TNFRSF10A: variants seen among roughly 807,000 people sequenced by gnomAD.
TNFRSF10A encodes the protein tumor necrosis factor receptor superfamily member 10A.
Under a neutral mutation model 42.8 loss-of-function variants are expected in TNFRSF10A, and 44 were observed. The observed-to-expected ratio is 1.03, with a 90% CI of 0.81 to 1.32. The LOEUF (loss-of-function observed/expected upper bound fraction) is 1.32. Ranked by LOEUF, TNFRSF10A falls within the 40% of genes most tolerant of loss-of-function variation. The pLI, the probability that TNFRSF10A is intolerant of heterozygous loss-of-function variation, is 0.00. For missense variants in TNFRSF10A, 680 were observed against 602.0 expected, an observed-to-expected ratio of 1.13 and a Z score of -1.36; for synonymous variants, 259 against 234.2, an observed-to-expected ratio of 1.11 and a Z score of -0.97.
chr8:23,200,526 C>T lies in TNFRSF10A; in HGVS notation c.778G>A (p.Val260Ile), dbSNP rs768067879. ...VPLLLVAVLI[V>I]CCCIGSGCGG... ...CTACCTGAGCCGATGCAACAACAGA[C>T]AATCAGCACAGCCACCAACAGCAAC... The change falls in exon 6 of 10, where the codon GTC becomes ATC. Residue 260 changes from valine (V) to isoleucine (I), a missense_variant. Val to Ile is a conservative substitution (Grantham distance 29, BLOSUM62 3). Coordinates refer to ENST00000221132, the MANE Select transcript of TNFRSF10A (RefSeq NM_003844.4). 1 of 1,614,202 alleles carries T rather than the reference C, an allele frequency of 6.2e-7. No individual in the cohort carries two copies. Among genetic ancestry groups the T allele is most frequent in the Non-Finnish European group, 8.5e-7 (1 of 1,180,030 alleles).
At chr8:23,203,541 T>A (rs1180865859) in intron 2 of TNFRSF10A, among the ~76,000 whole-genome samples, 3 of 152,204 alleles carry the variant, frequency 2.0e-5, no homozygotes, top group Non-Finnish European at 4.4e-5. Flanking sequence ...AGGCTCGACC[T>A]TCACCTCCAG....
At chr8:23,224,722 C>A in intron 1 of TNFRSF10A, 34 bp downstream of exon 1, 1 of 1,542,722 alleles carries the variant, frequency 6.5e-7, no homozygotes, top group Non-Finnish European at 8.7e-7. Flanking sequence ...GCCAGGCGCG[C>A]TTTTCCCCAG....
chr8:23,219,188 A>T (rs1801224576), intron 1 of TNFRSF10A, among the ~76,000 whole-genome samples: 1 of 152,062 alleles, frequency 6.6e-6, no homozygotes, highest in Non-Finnish European at 1.5e-5. Flanking sequence ...AGGGAGCAGG[A>T]CTGACACAGG....
chr8:23,193,918 T>C (rs939236703), intron 9 of TNFRSF10A, among the ~76,000 whole-genome samples: 1 of 152,224 alleles, frequency 6.6e-6, no homozygotes, highest in Non-Finnish European at 1.5e-5. Context: ...GGAGTTCCTG[T>C]ATCCAGGCTT....
intron 1 of TNFRSF10A, among the ~76,000 whole-genome samples, chr8:23,215,522 CTAAA>C (rs1369629840): frequency 1.4e-5 from 1 of 71,054 alleles, no homozygotes; most frequent in African/African-American, 5.9e-5. Context: ...AATAGCATAA[CTAAA>C]TAAATAAATA....
At chr8:23,197,005 TA>T (rs1800831421) in intron 9 of TNFRSF10A, 126 bp downstream of exon 9, 1 of 1,219,632 alleles carries the variant, frequency 8.2e-7, no homozygotes, top group Admixed American at 1.7e-5. Context: ...TGATGGTCTA[TA>T]GCATAGGACC....
At chr8:23,194,879 G>A (rs6557626) in intron 9 of TNFRSF10A, among the ~76,000 whole-genome samples, 29,331 of 152,158 alleles carry the variant, frequency 0.19, 3,447 homozygotes, top group African/African-American at 0.33. Context: ...GTGGCCAGGC[G>A]CATTGGCTCA....
intron 2 of TNFRSF10A, chr8:23,206,996 C>G (rs1801023853): frequency 1.4e-5 from 5 of 362,666 alleles, no homozygotes; most frequent in Non-Finnish European, 1.6e-5. Context: ...GCCAAGAAGG[C>G]AGTGTAGAAA....
intron 9 of TNFRSF10A, among the ~76,000 whole-genome samples, chr8:23,195,702 G>C (rs1800813795): frequency 2.6e-5 from 4 of 152,148 alleles, no homozygotes. Flanking sequence ...AGGTACATTG[G>C]TCCTGCTATA....
At chr8:23,196,316 C>T (rs925913449) in intron 9 of TNFRSF10A, among the ~76,000 whole-genome samples, 4 of 152,144 alleles carry the variant, frequency 2.6e-5, no homozygotes, top group Non-Finnish European at 5.9e-5. Context: ...GCCTCAGCCT[C>T]CCGAATAGCT....
intron 1 of TNFRSF10A, among the ~76,000 whole-genome samples, chr8:23,218,063 C>T (rs1331379459): frequency 6.6e-6 from 1 of 151,956 alleles, no homozygotes; most frequent in East Asian, 1.9e-4. Context: ...GGTTTGTGGG[C>T]GTCTGATTAA....
chr8:23,213,155 T>C (rs1801113815), intron 1 of TNFRSF10A, among the ~76,000 whole-genome samples: 1 of 152,184 alleles, frequency 6.6e-6, no homozygotes, highest in Non-Finnish European at 1.5e-5. Context: ...ACCAGTTTTA[T>C]CAATGTGCTC....
Position 23,201,897 on chromosome 8 carries a change from G to C in TNFRSF10A, c.540C>G (p.Cys180Trp), listed in dbSNP as rs1293002117. 6.2e-7 allele frequency: 1 copy of C among 1,614,010 alleles called. No individual in the cohort carries two copies. Among genetic ancestry groups the C allele is most frequent in the African/African-American group, 1.3e-5 (1 of 74,912 alleles). The change falls in exon 4 of 10, where the codon TGC (cysteine) becomes TGG (tryptophan). Residue 180 changes from cysteine to tryptophan, a missense_variant. Coordinates refer to ENST00000221132, the MANE Select transcript of TNFRSF10A (RefSeq NM_003844.4). Reference protein sequence around the residue: ...CKSDEEERSPCTTTRNTACQC... With the variant: ...CKSDEEERSPWTTTRNTACQC... ...GACATGCTGTGTTCCTGGTCGTGGT[G>C]CAGGGACTTCTCTCTTCTTCATCTG...
chr8:23,211,225 A>G (rs191420248), intron 2 of TNFRSF10A, among the ~76,000 whole-genome samples: 3 of 152,352 alleles, frequency 2.0e-5, no homozygotes, highest in Admixed American at 2.0e-4. Flanking sequence ...ATACAAGATC[A>G]ATGTACAAAA....
rs540660962 is a variant in TNFRSF10A, at chr8:23,218,070, T to C, written c.307-5858A>G. On this transcript the variant is annotated intron_variant, in intron 1 of 9. Coordinates refer to ENST00000221132, the MANE Select transcript of TNFRSF10A (RefSeq NM_003844.4). ...AACTCTGAGGTTTGTGGGCGTCTGA[T>C]TAAGGGAGATGGAAGGTGAGGTCAG... Among the ~76,000 whole-genome samples the C allele has an allele frequency of 2.6e-5, 4 of 152,074 alleles. 1 individual carries two copies. In the South Asian group the frequency reaches 8.3e-4, roughly 32 times the overall value.
chr8:23,195,235 T>C (rs555512692), intron 9 of TNFRSF10A, among the ~76,000 whole-genome samples: 12 of 152,336 alleles, frequency 7.9e-5, no homozygotes, highest in African/African-American at 2.9e-4. Context: ...GGGCAGGAGC[T>C]GATTGAGTGG....
intron 8 of TNFRSF10A, 101 bp from the exon 9 acceptor site, chr8:23,197,305 T>C (rs1800838462): frequency 2.1e-6 from 3 of 1,398,284 alleles, no homozygotes; most frequent in South Asian, 1.2e-5. Flanking sequence ...AGCACATCAC[T>C]TTCCCCCTTG....
intron 1 of TNFRSF10A, among the ~76,000 whole-genome samples, chr8:23,215,103 G>C (rs1372962299): frequency 6.6e-6 from 1 of 152,220 alleles, no homozygotes; most frequent in Non-Finnish European, 1.5e-5. Context: ...GTGTATAAGG[G>C]TGATGTGCGT....
chr8:23,195,212 C>T (rs1055980707), intron 9 of TNFRSF10A, among the ~76,000 whole-genome samples: 13 of 152,090 alleles, frequency 8.5e-5, no homozygotes, highest in African/African-American at 3.1e-4. Context: ...GATTGTTAAC[C>T]AAACATGAAG....
Sources: gnomAD v4.1 joint callset for allele counts (sites outside exome capture counted in the v4.1 genomes callset) on GRCh38, gnomAD v4.1.1 for gene constraint, MANE v1.5 for transcripts, NCBI Gene and HGNC (gene_info 2026-07-23, HGNC 2026-07-21) for gene names.